Variants in PIGS observed in about 807,000 individuals in gnomAD.
PIGS encodes phosphatidylinositol glycan anchor biosynthesis class S.
Under a neutral mutation model 58.2 loss-of-function variants are expected in PIGS, and 37 were observed. The observed-to-expected ratio is 0.64, with a 90% CI of 0.49 to 0.84. The LOEUF is 0.84. PIGS is among the 40% of genes least tolerant of loss of function. PIGS has a pLI of 0.00. For synonymous variants in PIGS, 269 were observed against 289.2 expected, an observed-to-expected ratio of 0.93 and a Z score of 0.71; for missense variants, 629 against 710.8, an observed-to-expected ratio of 0.88 and a Z score of 1.31.
chr17:28,555,208 G>C (rs187225591), intron 10 of PIGS, 147 bp from the exon 11 acceptor site: 1 of 715,526 alleles, frequency 1.4e-6, no homozygotes, highest in African/African-American at 1.8e-5. Context: ...TCAGGGTCTT[G>C]GGGGCATAAG....
chr17:28,567,206 AT>A (rs2070399546), intron 3 of PIGS, among the ~76,000 whole-genome samples: 1 of 152,224 alleles, frequency 6.6e-6, no homozygotes, highest in Non-Finnish European at 1.5e-5. Context: ...ACAACTAGCC[AT>A]TAAGTGCTTC....
chr17:28,558,620 GTTTAGATTTATATTC>G (rs560392846), intron 7 of PIGS, 30 bp from the exon 8 acceptor site: 15,547 of 1,528,984 alleles, frequency 0.01, 109 homozygotes, highest in Non-Finnish European at 0.012. Context: ...TGGTTACTTT[GTTTAGATTTATATTC>G]TACTTTCTCC....
Position 28,554,116 on chromosome 17 carries a change from A to G in PIGS, c.*104T>C. On this transcript the variant is annotated 3_prime_UTR_variant, in exon 12 of 12. Transcript: ENST00000308360. ...GGAGAGCCAACAGTGGAGACTGGAG[A>G]CAAATATTTAAGTCATTCCGGCAGG... 7.0e-7 allele frequency: 1 copy of G among 1,434,348 alleles called. No homozygotes were observed. The highest frequency in any genetic ancestry group is 1.4e-5 in the African/African-American group (1 of 70,272). The allele number at this position is 1,434,348 out of a possible 1,614,324, so 88.9% of individuals were successfully genotyped here. A position where few individuals can be genotyped will look rare whatever the true frequency, so the allele number is the denominator to read the frequency against.
intron 9 of PIGS, 153 bp from the exon 10 acceptor site, chr17:28,556,419 G>A (rs2070328773): frequency 1.4e-6 from 1 of 719,440 alleles, no homozygotes; most frequent in Admixed American, 2.0e-5. Context: ...ACCTACTACG[G>A]AGAGCATTAA....
intron 3 of PIGS, among the ~76,000 whole-genome samples, chr17:28,565,786 T>G (rs1046906853): frequency 3.6e-4 from 55 of 152,204 alleles, no homozygotes; most frequent in African/African-American, 1.3e-3. Context: ...TCCCAGCACT[T>G]TAGGAGGCCA....
In PIGS at chr17:28,570,869, CTT is replaced by C. The variant is rs1224934211; in HGVS notation, c.267_268del (p.Glu91AspfsTer24). ...TAACTCACATTTCAGAGGAATCTCT[CTT>C]TCATGCACAACGGTGAAGGGCAGCT... On this transcript the variant is annotated frameshift_variant, in exon 3 of 12. Coordinates refer to ENST00000308360, the MANE Select transcript of PIGS (RefSeq NM_033198.4). LOFTEE classifies it high-confidence loss of function. 1 of 1,614,118 alleles carries C rather than the reference CTT, an allele frequency of 6.2e-7. No individual in the cohort carries two copies. Among genetic ancestry groups the C allele is most frequent in the East Asian group, 2.2e-5 (1 of 44,902 alleles).
intron 8 of PIGS, 29 bp downstream of exon 8, chr17:28,558,447 A>G (rs760521810): frequency 6.4e-7 from 1 of 1,560,584 alleles, no homozygotes; most frequent in South Asian, 1.1e-5. Context: ...CCTGGCAGAA[A>G]AGAAAGACCC....
intron 10 of PIGS, 37 bp downstream of exon 10, chr17:28,556,126 AAGG>A: frequency 6.5e-7 from 1 of 1,549,430 alleles, no homozygotes; most frequent in South Asian, 1.1e-5. Context: ...CTCTACAGCC[AAGG>A]AGACTATGTC....
At chr17:28,565,708 G>C (rs915939300) in intron 3 of PIGS, among the ~76,000 whole-genome samples, 3 of 152,136 alleles carry the variant, frequency 2.0e-5, no homozygotes, top group African/African-American at 4.8e-5. Context: ...GGGGAACACA[G>C]TGAGACCCCG....
At position 28,556,250 on chromosome 17, in the gene PIGS, G is replaced by A; in HGVS notation, c.1097C>T (p.Ser366Phe). 2 of 1,611,656 alleles carry A rather than the reference G, an allele frequency of 1.2e-6. No homozygotes were observed. Among genetic ancestry groups the A allele is most frequent in the Non-Finnish European group, 1.7e-6 (2 of 1,177,742 alleles). The change falls in exon 10 of 12, where the codon TCC becomes TTC. Residue 366 changes from serine (S) to phenylalanine (F), a missense_variant. Ser to Phe is a radical substitution (Grantham distance 155, BLOSUM62 -2). Transcript: ENST00000308360. ...WGGIMVYNVD[S>F]KTYNASVLPV... ...CAGCACTGAGGCATTATAGGTTTTG[G>A]AGTCAACATTATATACCTGAAAGGG...
chr17:28,562,556 C>T (rs1400875929), intron 5 of PIGS, among the ~76,000 whole-genome samples: 1 of 152,144 alleles, frequency 6.6e-6, no homozygotes, highest in Non-Finnish European at 1.5e-5. Context: ...GCCTCAGCCT[C>T]TCGAGTAGCT....
At chr17:28,555,811 T>C (rs2151511488) in intron 10 of PIGS, 2 of 203,170 alleles carry the variant, frequency 9.8e-6, no homozygotes, top group Admixed American at 1.1e-4. Flanking sequence ...TCTACTAAAA[T>C]TACAAAAAAT....
Position 28,561,596 on chromosome 17 carries a change from C to T in PIGS, c.502G>A (p.Ala168Thr). 1 of 1,613,482 alleles carries T rather than the reference C, an allele frequency of 6.2e-7. No homozygotes were observed. Among genetic ancestry groups the T allele is most frequent in the Non-Finnish European group, 8.5e-7 (1 of 1,179,724 alleles). The change falls in exon 6 of 12, where the codon GCA becomes ACA. Residue 168 changes from alanine (A) to threonine (T), a missense_variant. Ala to Thr is a moderately conservative substitution (Grantham distance 58, BLOSUM62 0). Transcript: ENST00000308360. ...CGGTGCATTATCCCCCGCACCACTG[C>T]TGTCCTCTTGGGCCCAATGTAGCTC... The part of the protein sequence containing the change: ...MMSYIGPKRT[A>T]VVRGIMHREA...
chr17:28,565,245 C>G (rs1006836411), intron 3 of PIGS, among the ~76,000 whole-genome samples: 1 of 152,078 alleles, frequency 6.6e-6, no homozygotes, highest in African/African-American at 2.4e-5. Flanking sequence ...CTTTTAAAAC[C>G]TCAATCACAT....
At chr17:28,571,228 C>A in intron 1 of PIGS, 40 bp from the exon 2 acceptor site, 1 of 1,600,776 alleles carries the variant, frequency 6.2e-7, no homozygotes, top group Non-Finnish European at 8.5e-7. Flanking sequence ...TGGAAACGGG[C>A]TAGGGTACCG....
At chr17:28,571,310 G>A in intron 1 of PIGS, 122 bp from the exon 2 acceptor site, 2 of 1,512,150 alleles carry the variant, frequency 1.3e-6, no homozygotes, top group Non-Finnish European at 8.9e-7. Context: ...ATCTCCGTGC[G>A]AAGGGACCCG....
intron 7 of PIGS, among the ~76,000 whole-genome samples, chr17:28,559,127 G>A (rs1487101800): frequency 5.3e-5 from 8 of 151,796 alleles, no homozygotes; most frequent in Non-Finnish European, 7.4e-5. Context: ...CTAAAGGTAC[G>A]CGCCACCATG....
At chr17:28,554,799 C>G in intron 11 of PIGS, 52 bp downstream of exon 11, 1 of 1,601,440 alleles carries the variant, frequency 6.2e-7, no homozygotes, top group Non-Finnish European at 8.6e-7. Context: ...CACTCTGGCC[C>G]TCTCTGGCTA....
At position 28,554,199 on chromosome 17, in the gene PIGS, C is replaced by G. The variant is rs201353998; in HGVS notation, c.*21G>C. 2.4e-3 allele frequency: 3,945 copies of G among 1,610,918 alleles called. 14 individuals are homozygous for G. Among genetic ancestry groups the G allele is most frequent in the South Asian group, 9.7e-3 (885 of 90,920 alleles). On this transcript the variant is annotated 3_prime_UTR_variant, in exon 12 of 12. Transcript: ENST00000308360. ...CCACCTTGGCCAGAAAGGAAGGCTTCCTATGGAGGTGCTGCCCTGCTCAGT... is the reference window on the plus strand; with the variant it reads ...CCACCTTGGCCAGAAAGGAAGGCTTGCTATGGAGGTGCTGCCCTGCTCAGT...
Sources: allele counts gnomAD v4.1 joint callset (sites outside exome capture counted in the v4.1 genomes callset), GRCh38; gene constraint gnomAD v4.1.1; transcripts MANE v1.5; gene names NCBI Gene and HGNC (gene_info 2026-07-23, HGNC 2026-07-21).